The following PHF14 variants were observed in gnomAD, a reference collection of about 807,000 sequenced individuals.
PHF14 encodes PHD finger protein 14.
A neutral mutation model predicts 117.9 loss-of-function variants in PHF14; 55 were observed. The ratio of observed to expected loss-of-function variants is 0.47; its 90% CI spans 0.38 to 0.58. The LOEUF is 0.58. Among genes scored for constraint, PHF14 ranks in the 20% least tolerant of loss-of-function variants. The pLI, the probability that PHF14 is intolerant of heterozygous loss-of-function variation, is 0.00. For synonymous variants in PHF14, 409 were observed against 368.6 expected, an observed-to-expected ratio of 1.11 and a Z score of -1.26; for missense variants, 978 against 1,122.2, an observed-to-expected ratio of 0.87 and a Z score of 1.84.
At chr7:11,145,445 T>C (rs1788520174) in intron 17 of PHF14, among the ~76,000 whole-genome samples, 2 of 152,130 alleles carry the variant, frequency 1.3e-5, no homozygotes, top group Non-Finnish European at 2.9e-5. Context: ...TTATATAGAC[T>C]GAAAATGAGC....
intron 16 of PHF14, among the ~76,000 whole-genome samples, chr7:11,084,260 C>T (rs1013476953): frequency 3.9e-5 from 6 of 151,960 alleles, no homozygotes; most frequent in African/African-American, 1.5e-4. Context: ...ACACAGATAG[C>T]CATTTATTTT....
chr7:11,096,200 C>T (rs539685794), intron 16 of PHF14, among the ~76,000 whole-genome samples: 66 of 152,164 alleles, frequency 4.3e-4, no homozygotes, highest in African/African-American at 1.5e-3. Context: ...ATGTAAACTT[C>T]AAGTGGGATT....
At chr7:11,095,160 A>T (rs1786796955) in intron 16 of PHF14, among the ~76,000 whole-genome samples, 1 of 152,220 alleles carries the variant, frequency 6.6e-6, no homozygotes, top group African/African-American at 2.4e-5. Context: ...TAGTGAAGGT[A>T]AGTAAGCACT....
intron 2 of PHF14, among the ~76,000 whole-genome samples, chr7:10,976,451 A>T (rs2128306769): frequency 6.6e-6 from 1 of 152,292 alleles, no homozygotes; most frequent in Middle Eastern, 3.4e-3. Flanking sequence ...ACTTTGACAA[A>T]CATAGTTGGG....
In PHF14 at chr7:10,988,821, T is replaced by G. The variant is rs146570144; in HGVS notation, c.901-1882T>G. On this transcript the variant is annotated intron_variant, in intron 3 of 17. Coordinates refer to ENST00000634607, the MANE Select transcript of PHF14 (RefSeq NM_001007157.2). The stretch of plus-strand genomic sequence containing the variant: ...TATATTGTTAATTCTTATAACCTCC[T>G]GAAGTAGATATTATTTTTATCGCCA... Among the ~76,000 whole-genome samples, 51 of 152,306 alleles carry G rather than the reference T, an allele frequency of 3.3e-4. No homozygotes were observed. The East Asian group carries it at 7.5e-3, about 22-fold the overall frequency.
Position 11,036,405 on chromosome 7 carries a change from A to G in PHF14, c.1603-13A>G, listed in dbSNP as rs953531997. On this transcript the variant is annotated splice_polypyrimidine_tract_variant and intron_variant, in intron 8 of 17. Coordinates refer to ENST00000634607, the MANE Select transcript of PHF14 (RefSeq NM_001007157.2). ...TTATTATCTTTTAAAATTTGAATAC[A>G]TTTCTTTTATAGGCAAGGATCAATG... 1 of 1,578,972 alleles carries G rather than the reference A, an allele frequency of 6.3e-7. No individual in the cohort carries two copies. The highest frequency in any genetic ancestry group is 2.3e-5 in the East Asian group (1 of 43,776).
chr7:11,034,746 G>A (rs1784256101), intron 7 of PHF14, among the ~76,000 whole-genome samples: 2 of 151,454 alleles, frequency 1.3e-5, no homozygotes, highest in African/African-American at 4.9e-5. Flanking sequence ...ACAGGCTTTT[G>A]CCGTGTTGGC....
intron 2 of PHF14, among the ~76,000 whole-genome samples, chr7:10,981,503 C>G (rs1036218663): frequency 6.6e-6 from 1 of 152,130 alleles, no homozygotes; most frequent in African/African-American, 2.4e-5. Context: ...CTGGGCTGCC[C>G]TAGGCAGGAG....
intron 12 of PHF14, among the ~76,000 whole-genome samples, chr7:11,041,238 A>G (rs1305106749): frequency 6.6e-6 from 1 of 151,982 alleles, no homozygotes; most frequent in Non-Finnish European, 1.5e-5. Context: ...CTTGATGCTC[A>G]GTTGCAATCA....
intron 17 of PHF14, among the ~76,000 whole-genome samples, chr7:11,128,280 C>A (rs1451708280): frequency 1.3e-5 from 2 of 152,016 alleles, no homozygotes; most frequent in African/African-American, 2.4e-5. Context: ...TTATTCCCAG[C>A]AGACTTACTT....
Position 11,063,795 on chromosome 7 carries a change from A to G in PHF14, c.2654+1710A>G, listed in dbSNP as rs140120902. The G allele has an allele frequency of 9.4e-6, 5 of 532,382 alleles. No homozygotes were observed. In the African/African-American group the frequency reaches 1.0e-4, roughly 11 times the overall value. The allele number at this position is 532,382 out of a possible 1,614,324, so 33.0% of individuals were successfully genotyped here. On this transcript the variant is annotated intron_variant, in intron 16 of 17. Coordinates refer to ENST00000634607, the MANE Select transcript of PHF14 (RefSeq NM_001007157.2). ...TTTAATAAAAAAAGTGCCATCTTCT[A>G]ATTTTGATAAGATTTTTGAATAGTA...
chr7:10,997,164 T>C (rs896666738), intron 4 of PHF14, among the ~76,000 whole-genome samples: 4 of 152,214 alleles, frequency 2.6e-5, no homozygotes, highest in Non-Finnish European at 2.9e-5. Flanking sequence ...CATACACATA[T>C]AAGTTTTATT....
At chr7:11,024,905 C>T (rs1783857509) in intron 6 of PHF14, among the ~76,000 whole-genome samples, 1 of 152,190 alleles carries the variant, frequency 6.6e-6, no homozygotes, top group African/African-American at 2.4e-5. Context: ...AAATACATTT[C>T]ATAAGGCTAT....
At position 10,995,824 on chromosome 7, in the gene PHF14, A is replaced by T. The variant is rs372984990; in HGVS notation, c.1045+4977A>T. Among the ~76,000 whole-genome samples the T allele has an allele frequency of 1.1e-4, 16 of 152,180 alleles. No individual in the cohort carries two copies. The East Asian group carries it at 1.6e-3, about 15-fold the overall frequency. On this transcript the variant is annotated intron_variant, in intron 4 of 17. Coordinates refer to ENST00000634607, the MANE Select transcript of PHF14 (RefSeq NM_001007157.2). ...AAGCCCCTCACTGCCCGGGGCTGGC[A>T]GTGCCCGCCAAGCCCATGCCCACCC...
chr7:11,076,410 T>C (rs761048427), intron 16 of PHF14, among the ~76,000 whole-genome samples: 2 of 152,006 alleles, frequency 1.3e-5, no homozygotes, highest in African/African-American at 2.4e-5. Flanking sequence ...GTATGCTGTT[T>C]AGTTGTATTT....
rs182015709 is a variant in PHF14, at chr7:10,976,918, T to G, written c.112+1973T>G. Among the ~76,000 whole-genome samples, 532 of 150,864 alleles carry G rather than the reference T, an allele frequency of 3.5e-3. 1 individual carries two copies. Among genetic ancestry groups the G allele is most frequent in the Non-Finnish European group, 5.0e-3 (336 of 67,692 alleles). ...TGATCTGTGGTCTCAGGTCACAAAT[T>G]TGTATGTATAGTTCTTGGTATTTAT... On this transcript the variant is annotated intron_variant, in intron 2 of 17. Coordinates refer to ENST00000634607, the MANE Select transcript of PHF14 (RefSeq NM_001007157.2).
chr7:11,103,148 A>T, intron 16 of PHF14: 4 of 978,612 alleles, frequency 4.1e-6, no homozygotes, highest in Non-Finnish European at 4.9e-6. Context: ...TGTGAAGCAT[A>T]TGACATTCTA....
At chr7:10,979,675 A>T (rs1781988793) in intron 2 of PHF14, among the ~76,000 whole-genome samples, 1 of 151,582 alleles carries the variant, frequency 6.6e-6, no homozygotes. Flanking sequence ...ATTATTACCC[A>T]GCTATGGTTG....
chr7:11,028,931 T>G (rs1216725311), intron 7 of PHF14, 113 bp downstream of exon 7: 6 of 895,230 alleles, frequency 6.7e-6, no homozygotes, highest in Non-Finnish European at 9.8e-6. Context: ...TTCTTAAAGT[T>G]CTTGCCAAGA....
Sources: gnomAD v4.1 joint callset for allele counts (sites outside exome capture counted in the v4.1 genomes callset) on GRCh38, gnomAD v4.1.1 for gene constraint, MANE v1.5 for transcripts, NCBI Gene and HGNC (gene_info 2026-07-23, HGNC 2026-07-21) for gene names.